The following DNER variants were observed in gnomAD, a reference collection of about 807,000 sequenced individuals.
The protein encoded by DNER is delta/notch like EGF repeat containing, also known as delta and Notch-like epidermal growth factor-related receptor.
A neutral mutation model predicts 78.2 loss-of-function variants in DNER; 33 were observed. That is an observed-to-expected ratio of 0.42 (90% CI 0.32 to 0.56). The LOEUF (loss-of-function observed/expected upper bound fraction) is 0.56. Among genes scored for constraint, DNER ranks in the 20% least tolerant of loss-of-function variants. The pLI, the probability that DNER is intolerant of heterozygous loss-of-function variation, is 0.11. For synonymous variants in DNER, 417 were observed against 384.8 expected, an observed-to-expected ratio of 1.08 and a Z score of -0.98; for missense variants, 918 against 975.3, an observed-to-expected ratio of 0.94 and a Z score of 0.78.
chr2:229,499,931 CT>C (rs58019962), intron 6 of DNER, among the ~76,000 whole-genome samples: 75,738 of 134,576 alleles, frequency 0.56, 20,649 homozygotes, highest in African/African-American at 0.7. Flanking sequence ...GACTTTCTTT[CT>C]TTTTTTTTTT....
chr2:229,408,860 C>G (rs1268460060), intron 9 of DNER, among the ~76,000 whole-genome samples: 1 of 152,178 alleles, frequency 6.6e-6, no homozygotes, highest in Non-Finnish European at 1.5e-5. Context: ...CCTAGCCAAG[C>G]CATCAACAAT....
chr2:229,605,173 C>T lies in DNER; in HGVS notation c.277-13285G>A, dbSNP rs545688209. 3.3e-5 allele frequency among the ~76,000 whole-genome samples: 5 copies of T among 152,124 alleles called. No individual in the cohort carries two copies. In the East Asian group the frequency reaches 7.7e-4, roughly 24 times the overall value. On this transcript the variant is annotated intron_variant, in intron 1 of 12. Coordinates refer to ENST00000341772, the MANE Select transcript of DNER (RefSeq NM_139072.4). The stretch of plus-strand genomic sequence containing the variant: ...AGGGCTGAAAGTGGAAGAGGTCACC[C>T]GTAAAAGCCCTACCAACTAGAAACA...
intron 8 of DNER, among the ~76,000 whole-genome samples, chr2:229,431,328 C>T (rs1258662252): frequency 6.6e-6 from 1 of 152,118 alleles, no homozygotes; most frequent in Admixed American, 6.6e-5. Context: ...AGTGAACCTG[C>T]TTTAACGGAA....
intron 1 of DNER, among the ~76,000 whole-genome samples, chr2:229,677,595 C>T (rs1479588958): frequency 1.3e-5 from 2 of 152,206 alleles, no homozygotes; most frequent in African/African-American, 2.4e-5. Context: ...CCACCTTTCA[C>T]CACCACCCCA....
In DNER at chr2:229,541,912, T is replaced by G. The variant is rs1696522615; in HGVS notation, c.993+5035A>C. Among the ~76,000 whole-genome samples the G allele has an allele frequency of 3.4e-5, 5 of 147,218 alleles. No homozygotes were observed. In the South Asian group the frequency reaches 1.0e-3, roughly 31 times the overall value. Reference sequence around the variant, plus strand: ...ATGTATATATAAATTATATTTATATTTATATTTATAAATTATATTTATATT... The same window carrying G: ...ATGTATATATAAATTATATTTATATGTATATTTATAAATTATATTTATATT... On this transcript the variant is annotated intron_variant, in intron 5 of 12. Coordinates refer to ENST00000341772, the MANE Select transcript of DNER (RefSeq NM_139072.4).
At chr2:229,390,969 C>G (rs1469581805) in intron 10 of DNER, among the ~76,000 whole-genome samples, 1 of 152,088 alleles carries the variant, frequency 6.6e-6, no homozygotes, top group African/African-American at 2.4e-5. Flanking sequence ...ATCAGTTATT[C>G]CTCAACTGGC....
intron 1 of DNER, among the ~76,000 whole-genome samples, chr2:229,615,416 A>C (rs1458393521): frequency 1.4e-5 from 2 of 144,498 alleles, no homozygotes; most frequent in Non-Finnish European, 3.0e-5. Context: ...CGTCTTAAAA[A>C]AAAAAAAAAA....
chr2:229,461,781 G>A (rs1694708559), intron 7 of DNER, among the ~76,000 whole-genome samples: 1 of 152,094 alleles, frequency 6.6e-6, no homozygotes, highest in South Asian at 2.1e-4. Flanking sequence ...CAAGCAGAAA[G>A]ATGAACATAG....
At chr2:229,688,014 C>T (rs771758685) in intron 1 of DNER, among the ~76,000 whole-genome samples, 1 of 152,362 alleles carries the variant, frequency 6.6e-6, no homozygotes. Flanking sequence ...ACTGCCATTG[C>T]AAACCCACAT....
chr2:229,626,967 T>C (rs1698355825), intron 1 of DNER, among the ~76,000 whole-genome samples: 2 of 152,222 alleles, frequency 1.3e-5, no homozygotes, highest in South Asian at 4.1e-4. Context: ...CTGTTATCAA[T>C]CACGTTGGAA....
At chr2:229,590,822 G>A (rs1697589464) in intron 2 of DNER, among the ~76,000 whole-genome samples, 1 of 152,230 alleles carries the variant, frequency 6.6e-6, no homozygotes, top group South Asian at 2.1e-4. Flanking sequence ...ATGTTGAAAT[G>A]TGATCTCCAA....
intron 5 of DNER, among the ~76,000 whole-genome samples, chr2:229,528,604 A>G (rs1177412798): frequency 6.6e-6 from 1 of 152,188 alleles, no homozygotes; most frequent in African/African-American, 2.4e-5. Context: ...TGGCTTCCAC[A>G]GGGCCATGAA....
intron 10 of DNER, among the ~76,000 whole-genome samples, chr2:229,399,908 C>G (rs576532488): frequency 6.6e-6 from 1 of 152,000 alleles, no homozygotes; most frequent in South Asian, 2.1e-4. Context: ...TATATTACAA[C>G]TGTATGGAAC....
intron 8 of DNER, among the ~76,000 whole-genome samples, chr2:229,432,251 G>A (rs1302903573): frequency 6.6e-6 from 1 of 152,050 alleles, no homozygotes; most frequent in East Asian, 1.9e-4. Flanking sequence ...GTTTATAATT[G>A]AGGTGAGGAA....
rs879441364 is a variant in DNER at position 229,529,196 on chromosome 2, CT to C, written c.994-16261del. On this transcript the variant is annotated intron_variant, in intron 5 of 12. Coordinates refer to ENST00000341772, the MANE Select transcript of DNER (RefSeq NM_139072.4). ...GATTCTAGATACCACAACATAATAT[CT>C]TTTTTTTTTTAATCCCCAAATCTAC... 3.5e-3 allele frequency among the ~76,000 whole-genome samples: 507 copies of C among 146,658 alleles called. 2 individuals are homozygous for C. The highest frequency in any genetic ancestry group is 6.6e-3 in the African/African-American group (266 of 40,544).
intron 7 of DNER, among the ~76,000 whole-genome samples, chr2:229,476,155 C>CGGCCCCCACCCT (rs1249524892): frequency 6.6e-6 from 1 of 152,142 alleles, no homozygotes; most frequent in Admixed American, 6.5e-5. Context: ...CATCTCACTC[C>CGGCCCCCACCCT]GGCCCCCACC....
At chr2:229,476,846 G>A (rs959753301) in intron 7 of DNER, among the ~76,000 whole-genome samples, 1 of 150,890 alleles carries the variant, frequency 6.6e-6, no homozygotes, top group African/African-American at 2.4e-5. Flanking sequence ...AAACAAAATA[G>A]AAATCTTAAG....
At chr2:229,428,971 G>A (rs1176388419) in intron 8 of DNER, among the ~76,000 whole-genome samples, 25 of 152,144 alleles carry the variant, frequency 1.6e-4, no homozygotes, top group Admixed American at 1.6e-3. Flanking sequence ...ATAAAATAGA[G>A]AGAAAGAAAA....
intron 1 of DNER, among the ~76,000 whole-genome samples, chr2:229,602,665 G>A (rs1006204847): frequency 6.6e-6 from 1 of 152,112 alleles, no homozygotes; most frequent in African/African-American, 2.4e-5. Context: ...CCATGTATCA[G>A]CAGCAAACTA....
Sources: gnomAD v4.1 joint callset for allele counts (sites outside exome capture counted in the v4.1 genomes callset) on GRCh38, gnomAD v4.1.1 for gene constraint, MANE v1.5 for transcripts, NCBI Gene and HGNC (gene_info 2026-07-23, HGNC 2026-07-21) for gene names.